The following ZNF831 variants were observed in gnomAD, a reference collection of about 807,000 sequenced individuals.
The protein encoded by ZNF831 is zinc finger protein 831, also known as chromosome 20 open reading frame 174.
A neutral mutation model predicts 95.8 loss-of-function variants in ZNF831; 59 were observed. The ratio of observed to expected loss-of-function variants is 0.62; its 90% confidence interval spans 0.50 to 0.77. ZNF831 has a LOEUF of 0.77. Among genes scored for constraint, ZNF831 ranks in the 30% least tolerant of loss-of-function variants. ZNF831 has a pLI of 0.00. For synonymous variants in ZNF831, 961 were observed against 925.5 expected (o/e 1.04, Z -0.70); for missense variants, 2,205 against 2,164.0 (o/e 1.02, Z -0.38).
Position 59,170,891 on chromosome 20 carries a change from G to A in ZNF831, c.-37+6684G>A, listed in dbSNP as rs559088224. Reference sequence around the variant, plus strand: ...CAATGGGCAACTTTCTGGAGTACAGGTGGGAGGTGGCAGGCAATCTACAAC... The same window carrying A: ...CAATGGGCAACTTTCTGGAGTACAGATGGGAGGTGGCAGGCAATCTACAAC... On this transcript the variant is annotated intron_variant, in intron 1 of 5. Coordinates refer to ENST00000371030, the MANE Select transcript of ZNF831 (RefSeq NM_178457.3). Among the ~76,000 whole-genome samples, 4 of 152,346 alleles carry A rather than the reference G, an allele frequency of 2.6e-5. No homozygotes were observed. In the South Asian group the frequency reaches 8.3e-4, roughly 32 times the overall value.
In ZNF831 at chr20:59,193,061, A is replaced by G. The variant is rs367968831; in HGVS notation, c.2042A>G (p.His681Arg). The change falls in exon 2 of 6, where the codon CAT (histidine) becomes CGT (arginine). Residue 681 changes from histidine to arginine, a missense_variant. By Grantham distance (29) the His-to-Arg change is conservative. Coordinates refer to ENST00000371030, the MANE Select transcript of ZNF831 (RefSeq NM_178457.3). Reference protein sequence around the residue: ...VPTQDRRTPVHEDISAGATPE... With the variant: ...VPTQDRRTPVREDISAGATPE... ...ACCCAAGACAGGAGGACCCCTGTCC[A>G]TGAGGACATATCCGCAGGGGCAACG... is the stretch of plus-strand genomic sequence containing the variant. 8.8e-6 allele frequency: 14 copies of G among 1,584,762 alleles called. No homozygotes were observed. In the African/African-American group the frequency reaches 1.5e-4, roughly 17 times the overall value.
rs1027337712 is a variant in ZNF831 at position 59,254,805 on chromosome 20, G to A, written c.*62G>A. On this transcript the variant is annotated 3_prime_UTR_variant, in exon 6 of 6. Coordinates refer to ENST00000371030, the MANE Select transcript of ZNF831 (RefSeq NM_178457.3). This position sits in a 1 kb window ranked among gnomAD's most constrained non-coding sequence, Gnocchi z 4.5. ...TGTTGACGCTTCACAAGTAAATGTT[G>A]TCAGGCTGGCGGAAGAACTAAACTC... The A allele has an allele frequency of 1.3e-6, 2 of 1,536,780 alleles. No individual in the cohort carries two copies. Among genetic ancestry groups the A allele is most frequent in the South Asian group, 2.6e-5 (2 of 75,956 alleles).
upstream of ZNF831, among the ~76,000 whole-genome samples, chr20:59,162,498 T>G (rs967142457): frequency 1.3e-5 from 2 of 152,250 alleles, no homozygotes; most frequent in Non-Finnish European, 2.9e-5. Context: ...TATTCAACAT[T>G]CTTCTGCATA....
At chr20:59,238,803 C>T (rs928160735) in intron 4 of ZNF831, among the ~76,000 whole-genome samples, 1 of 151,804 alleles carries the variant, frequency 6.6e-6, no homozygotes, top group Non-Finnish European at 1.5e-5. Context: ...CATCTCCTCT[C>T]GTCCTCTCCC....
At chr20:59,186,457 G>A (rs1055211263) in intron 1 of ZNF831, among the ~76,000 whole-genome samples, 2 of 152,214 alleles carry the variant, frequency 1.3e-5, no homozygotes, top group African/African-American at 2.4e-5. Context: ...CGCTTACTCT[G>A]TGCTGGGCAC....
At position 59,191,819 on chromosome 20, in the gene ZNF831, C is replaced by G. The variant is rs781214703; in HGVS notation, c.800C>G (p.Pro267Arg). 1 of 1,613,452 alleles carries G rather than the reference C, an allele frequency of 6.2e-7. No homozygotes were observed. The highest frequency in any genetic ancestry group is 2.2e-5 in the East Asian group (1 of 44,864). Residue 267 changes from proline to arginine, a missense_variant, in exon 2 of 6, where the codon CCC becomes CGC. Coordinates refer to ENST00000371030, the MANE Select transcript of ZNF831 (RefSeq NM_178457.3). The part of the protein sequence containing the change: ...KNLDVRTEAA[P>R]CPGSAFADRE... ...CTGGATGTGAGGACCGAAGCTGCTC[C>G]CTGTCCAGGGTCCGCATTTGCCGAC...
chr20:59,223,369 C>T (rs1986223447), intron 4 of ZNF831, among the ~76,000 whole-genome samples: 1 of 152,198 alleles, frequency 6.6e-6, no homozygotes, highest in Admixed American at 6.5e-5. Context: ...CCTTCCTCTC[C>T]AGCTTGCAGA....
At chr20:59,246,872 C>G (rs1358226874) in intron 4 of ZNF831, among the ~76,000 whole-genome samples, 1 of 152,174 alleles carries the variant, frequency 6.6e-6, no homozygotes, top group Non-Finnish European at 1.5e-5. Context: ...ACCCTCCCTG[C>G]CTGTGCAGCT....
chr20:59,132,651 A>G (rs1979383531), intron 1 of ZNF831, among the ~76,000 whole-genome samples: 1 of 150,512 alleles, frequency 6.6e-6, no homozygotes, highest in South Asian at 2.1e-4. Context: ...GTCTTTGCCT[A>G]TTTTTTTTTC....
Position 59,169,760 on chromosome 20 carries a change from C to A in ZNF831, c.-37+5553C>A, listed in dbSNP as rs1981576528. Among the ~76,000 whole-genome samples the A allele has an allele frequency of 6.6e-6, 1 of 151,980 alleles. No individual in the cohort carries two copies. The highest frequency in any genetic ancestry group is 2.1e-4 in the South Asian group (1 of 4,818). On this transcript the variant is annotated intron_variant, in intron 1 of 5. Transcript: ENST00000371030. The surrounding 1 kb of genome is among the most constrained non-coding windows in gnomAD (Gnocchi z 4.1). The stretch of plus-strand genomic sequence containing the variant: ...ACTAAAAATACAAAAATTAGCCGGG[C>A]ATGATGGCAGACACCTGTAATCCCA...
intron 3 of ZNF831, among the ~76,000 whole-genome samples, chr20:59,206,694 A>C (rs1010730530): frequency 6.6e-6 from 1 of 152,148 alleles, no homozygotes; most frequent in Non-Finnish European, 1.5e-5. Flanking sequence ...TGACCACCTC[A>C]TTTAGTTCCT....
At chr20:59,212,065 TAAG>T (rs1326507283) in intron 4 of ZNF831, among the ~76,000 whole-genome samples, 1 of 152,116 alleles carries the variant, frequency 6.6e-6, no homozygotes, top group African/African-American at 2.4e-5. Context: ...CATTCAGAAA[TAAG>T]AAGTCATGAA....
chr20:59,181,152 T>G (rs1982586722), intron 1 of ZNF831, among the ~76,000 whole-genome samples: 1 of 152,272 alleles, frequency 6.6e-6, no homozygotes, highest in Non-Finnish European at 1.5e-5. Flanking sequence ...TTCATATGTT[T>G]GTTGGCCGCA....
intron 4 of ZNF831, among the ~76,000 whole-genome samples, chr20:59,251,220 G>T (rs1373395640): frequency 1.3e-5 from 2 of 152,342 alleles, no homozygotes; most frequent in South Asian, 2.1e-4. Flanking sequence ...CTGAGGACAT[G>T]ATTCAGATTG....
upstream of ZNF831, chr20:59,159,717 C>T (rs966909325): frequency 6.6e-6 from 1 of 152,294 alleles, no homozygotes; most frequent in African/African-American, 2.4e-5. Context: ...GGGAACCAAA[C>T]CCCAAGAGGG....
chr20:59,144,731 T>C (rs1338073451), intron 1 of ZNF831, among the ~76,000 whole-genome samples: 1 of 152,210 alleles, frequency 6.6e-6, no homozygotes. Flanking sequence ...ACCCCCTGTG[T>C]CAACCTCCCT....
intron 1 of ZNF831, among the ~76,000 whole-genome samples, chr20:59,190,501 T>C (rs1983412672): frequency 6.6e-6 from 1 of 152,250 alleles, no homozygotes; most frequent in Non-Finnish European, 1.5e-5. Context: ...GGGAAGGCCC[T>C]GATTCCTTGC....
At position 59,254,684 on chromosome 20, in the gene ZNF831, C is replaced by T. The variant is rs753171906; in HGVS notation, c.4975C>T (p.Arg1659Ter). 3 of 1,614,026 alleles carry T rather than the reference C, an allele frequency of 1.9e-6. No homozygotes were observed. The highest frequency in any genetic ancestry group is 2.5e-6 in the Non-Finnish European group (3 of 1,180,010). ...RSLEGMRKQT[R>*]VEFSDTSSDD... ...TCTGGAAGGAATGAGAAAGCAAACT[C>T]GAGTAGAGTTCAGTGACACCAGCAG... Residue 1659 changes from arginine (R) to a stop codon, truncating the protein, a stop_gained, in exon 6 of 6, where the codon CGA becomes TGA. Coordinates refer to ENST00000371030, the MANE Select transcript of ZNF831 (RefSeq NM_178457.3). LOFTEE classifies it high-confidence loss of function. This position sits in a 1 kb window ranked among gnomAD's most constrained non-coding sequence, Gnocchi z 4.5.
At chr20:59,145,866 G>A (rs1271472392) in intron 1 of ZNF831, among the ~76,000 whole-genome samples, 3 of 152,182 alleles carry the variant, frequency 2.0e-5, no homozygotes, top group African/African-American at 7.2e-5. Flanking sequence ...ACAGAGAAAT[G>A]CCCACCCTCA....
Sources: allele counts gnomAD v4.1 joint callset (sites outside exome capture counted in the v4.1 genomes callset), GRCh38; gene constraint gnomAD v4.1.1; non-coding constraint Gnocchi (gnomAD v3.1); transcripts MANE v1.5; gene names NCBI Gene and HGNC (gene_info 2026-07-23, HGNC 2026-07-21).